The following GASK1B variants were observed in gnomAD, a reference collection of about 807,000 sequenced individuals.
GASK1B encodes the protein Golgi-associated kinase 1B.
GASK1B carries 34 observed loss-of-function variants against 42.8 expected under a neutral mutation model. The observed-to-expected ratio is 0.79, with a 90% CI of 0.60 to 1.06. GASK1B has a LOEUF of 1.06. GASK1B is among the 50% of genes least tolerant of loss of function. GASK1B has a pLI of 0.00. For missense variants in GASK1B, 686 were observed against 661.0 expected, an observed-to-expected ratio of 1.04 and a Z score of -0.42; for synonymous variants, 262 against 259.1, an observed-to-expected ratio of 1.01 and a Z score of -0.11.
chr4:158,136,632 C>T (rs1351043240), intron 3 of GASK1B, among the ~76,000 whole-genome samples: 1 of 152,160 alleles, frequency 6.6e-6, no homozygotes, highest in Non-Finnish European at 1.5e-5. Context: ...ATTAGATAAA[C>T]TTCTGTTTTT....
chr4:158,139,478 C>T (rs1446513861), intron 3 of GASK1B, among the ~76,000 whole-genome samples: 4 of 152,042 alleles, frequency 2.6e-5, no homozygotes, highest in South Asian at 2.1e-4. Flanking sequence ...AAATGTAATA[C>T]CTTTGAAGTT....
intron 2 of GASK1B, 128 bp from the exon 3 acceptor site, chr4:158,155,953 T>C: frequency 1.4e-6 from 1 of 704,934 alleles, no homozygotes; most frequent in Non-Finnish European, 2.4e-6. Flanking sequence ...TCTGACAATA[T>C]TTTATGATCT....
At chr4:158,131,933 TC>T (rs1272499378) in intron 3 of GASK1B, among the ~76,000 whole-genome samples, 1 of 152,124 alleles carries the variant, frequency 6.6e-6, no homozygotes, top group African/African-American at 2.4e-5. Context: ...TCTGTCCCTG[TC>T]CCAAGCATCT....
intron 2 of GASK1B, among the ~76,000 whole-genome samples, chr4:158,163,286 G>A (rs1732096958): frequency 6.6e-6 from 1 of 152,182 alleles, no homozygotes; most frequent in Admixed American, 6.5e-5. Flanking sequence ...ACTCAAGAGT[G>A]TTAGCTGGGC....
chr4:158,152,960 C>T (rs1234570553), intron 3 of GASK1B, among the ~76,000 whole-genome samples: 1 of 152,106 alleles, frequency 6.6e-6, no homozygotes, highest in East Asian at 1.9e-4. Context: ...ATCCCACTTT[C>T]CCCACTTCTA....
At chr4:158,159,164 A>G (rs2111000786) in intron 2 of GASK1B, among the ~76,000 whole-genome samples, 1 of 152,310 alleles carries the variant, frequency 6.6e-6, no homozygotes, top group Non-Finnish European at 1.5e-5. Context: ...AATGCCAACT[A>G]TCGCATAAAG....
intron 3 of GASK1B, among the ~76,000 whole-genome samples, chr4:158,149,240 A>G (rs1360859544): frequency 6.6e-6 from 1 of 152,190 alleles, no homozygotes; most frequent in African/African-American, 2.4e-5. Context: ...TGGATCTATC[A>G]TTCGTTTCAT....
At chr4:158,148,238 A>C (rs944075020) in intron 3 of GASK1B, among the ~76,000 whole-genome samples, 1 of 152,162 alleles carries the variant, frequency 6.6e-6, no homozygotes, top group Non-Finnish European at 1.5e-5. Context: ...GAAAGAAAAT[A>C]TAATATCCTC....
At position 158,132,692 on chromosome 4, in the gene GASK1B, C is replaced by T. The variant is rs117881755; in HGVS notation, c.1126-1680G>A. Among the ~76,000 whole-genome samples the T allele has an allele frequency of 8.1e-4, 124 of 152,276 alleles. 1 individual carries two copies. In the East Asian group the frequency reaches 0.023, roughly 28 times the overall value. ...AATTTTCTATGAAGTTTATGTAAAGCTGGTCACATGTGTGGCAAGCGAGCG... is the reference window on the plus strand; with the variant it reads ...AATTTTCTATGAAGTTTATGTAAAGTTGGTCACATGTGTGGCAAGCGAGCG... On this transcript the variant is annotated intron_variant, in intron 3 of 4. Transcript: ENST00000585682.
At chr4:158,161,898 G>A (rs1313583974) in intron 2 of GASK1B, among the ~76,000 whole-genome samples, 2 of 152,036 alleles carry the variant, frequency 1.3e-5, no homozygotes, top group Non-Finnish European at 2.9e-5. Context: ...ACCCTTCAGC[G>A]ACTCCCTATT....
intron 3 of GASK1B, among the ~76,000 whole-genome samples, chr4:158,149,743 A>C (rs1396792032): frequency 1.3e-5 from 2 of 152,114 alleles, no homozygotes; most frequent in Non-Finnish European, 2.9e-5. Context: ...TTGTTTCATT[A>C]ATCCAAGGAT....
chr4:158,151,926 A>G (rs1579032657), intron 3 of GASK1B, among the ~76,000 whole-genome samples: 1 of 152,160 alleles, frequency 6.6e-6, no homozygotes, highest in African/African-American at 2.4e-5. Flanking sequence ...GGAGAGGCAG[A>G]CCCACCCTCA....
intron 3 of GASK1B, among the ~76,000 whole-genome samples, chr4:158,149,923 C>CTTTTGTTTTTTTTTTTT (rs1731484283): frequency 4.5e-5 from 3 of 67,178 alleles, no homozygotes; most frequent in East Asian, 5.1e-4. Context: ...CTGCATGCTG[C>CTTTTGTTTTTTTTTTTT]TTTTTTTTTT....
At chr4:158,151,816 T>A (rs530425806) in intron 3 of GASK1B, among the ~76,000 whole-genome samples, 1 of 152,320 alleles carries the variant, frequency 6.6e-6, no homozygotes, top group South Asian at 2.1e-4. Flanking sequence ...ATGGTTAATG[T>A]TGAATGTCAA....
At position 158,170,911 on chromosome 4, in the gene GASK1B, C is replaced by T. The variant is rs763384970; in HGVS notation, c.465G>A (p.Ala155=). The part of the protein sequence containing the change: ...LVGPSLQPQE[A]AREADAVAPG... The stretch of plus-strand genomic sequence containing the variant: ...GTGCTACAGCATCAGCTTCCCTTGC[C>T]GCTTCCTGCGGCTGAAGGGATGGTC... The change falls in exon 2 of 5, where the codon GCG becomes GCA. Residue 155 remains alanine (A), a synonymous_variant. Transcript: ENST00000585682. 3.1e-6 allele frequency: 5 copies of T among 1,614,238 alleles called. No homozygotes were observed. Among genetic ancestry groups the T allele is most frequent in the East Asian group, 4.5e-5 (2 of 44,866 alleles).
At chr4:158,169,092 C>T (rs1373830380) in intron 2 of GASK1B, 1 of 152,136 alleles carries the variant, frequency 6.6e-6, no homozygotes, top group African/African-American at 2.4e-5. Context: ...CAATAAGCCT[C>T]AATTTTCTCA....
intron 3 of GASK1B, among the ~76,000 whole-genome samples, chr4:158,132,421 T>C (rs116659273): frequency 6.6e-6 from 1 of 152,318 alleles, no homozygotes; most frequent in Non-Finnish European, 1.5e-5. Context: ...AACAAACAGT[T>C]ATTGAACATC....
intron 3 of GASK1B, among the ~76,000 whole-genome samples, chr4:158,135,300 G>A (rs1224681606): frequency 4.8e-5 from 6 of 125,730 alleles, no homozygotes; most frequent in Admixed American, 9.9e-5. Flanking sequence ...CAGCGTGGGC[G>A]ACAGGGTGAG....
chr4:158,141,717 C>T (rs1456537841), intron 3 of GASK1B, among the ~76,000 whole-genome samples: 1 of 147,356 alleles, frequency 6.8e-6, no homozygotes, highest in African/African-American at 2.5e-5. Context: ...CGCCATTCTC[C>T]TGCCTCAGCT....
Sources: allele counts gnomAD v4.1 joint callset (sites outside exome capture counted in the v4.1 genomes callset), GRCh38; gene constraint gnomAD v4.1.1; transcripts MANE v1.5; gene names NCBI Gene and HGNC (gene_info 2026-07-23, HGNC 2026-07-21).